Variants in TRIQK observed in about 807,000 individuals in gnomAD.
TRIQK encodes the protein triple QxxK/R motif-containing protein.
Under a neutral mutation model 10.8 loss-of-function variants are expected in TRIQK, and 10 were observed. The ratio of observed to expected loss-of-function variants is 0.92; its 90% CI spans 0.57 to 1.57. TRIQK has a LOEUF of 1.57. TRIQK is among the 40% of genes most tolerant of loss of function. The pLI is 0.00. For synonymous variants in TRIQK, 33 were observed against 33.7 expected (o/e 0.98, Z 0.07); for missense variants, 107 against 97.7 (o/e 1.09, Z -0.40).
chr8:92,905,121 T>C (rs964301652), intron 3 of TRIQK, among the ~76,000 whole-genome samples: 1 of 152,088 alleles, frequency 6.6e-6, no homozygotes, highest in Non-Finnish European at 1.5e-5. Flanking sequence ...TCTAAAAATA[T>C]TCATAGAAGC....
In TRIQK at chr8:92,891,041, T is replaced by C. The variant is rs1764621741; in HGVS notation, c.147+948A>G. 2.0e-5 allele frequency among the ~76,000 whole-genome samples: 3 copies of C among 151,950 alleles called. No homozygotes were observed. The South Asian group carries it at 6.2e-4, about 31-fold the overall frequency. The stretch of plus-strand genomic sequence containing the variant: ...ACACAGCATGGAAGAGATGGTGTTG[T>C]GCAAACATACTGCATCACACGGCAA... On this transcript the variant is annotated intron_variant, in intron 4 of 4. Transcript: ENST00000521988.
At chr8:92,983,728 A>G (rs1271897286) in intron 1 of TRIQK, among the ~76,000 whole-genome samples, 3 of 152,070 alleles carry the variant, frequency 2.0e-5, no homozygotes, top group African/African-American at 7.2e-5. Flanking sequence ...ATTGGTAAAC[A>G]CATAGTGTCA....
intron 2 of TRIQK, among the ~76,000 whole-genome samples, chr8:92,930,211 C>A (rs867989037): frequency 3.3e-5 from 5 of 150,628 alleles, no homozygotes; most frequent in South Asian, 2.1e-4. Flanking sequence ...AACACCCCCC[C>A]ACCCACGTCT....
chr8:92,900,077 T>C (rs892606153), intron 3 of TRIQK, among the ~76,000 whole-genome samples: 1 of 152,222 alleles, frequency 6.6e-6, no homozygotes, highest in Non-Finnish European at 1.5e-5. Context: ...TCAGATATTT[T>C]GCCCATTCAA....
chr8:92,911,708 T>C (rs1205937193), intron 3 of TRIQK, among the ~76,000 whole-genome samples: 1 of 150,922 alleles, frequency 6.6e-6, no homozygotes, highest in African/African-American at 2.4e-5. Context: ...GATAAATGAA[T>C]TAACTTAACA....
chr8:92,933,545 C>T (rs1337034318), intron 2 of TRIQK, among the ~76,000 whole-genome samples: 10 of 152,032 alleles, frequency 6.6e-5, no homozygotes, highest in Admixed American at 6.6e-4. Context: ...ACTGCTGAAG[C>T]TGGCCATGGG....
intron 2 of TRIQK, among the ~76,000 whole-genome samples, chr8:92,938,581 CT>C (rs1811114131): frequency 6.6e-6 from 1 of 152,044 alleles, no homozygotes; most frequent in African/African-American, 2.4e-5. Context: ...TCTTGAAATA[CT>C]TTTTATTTCT....
chr8:93,002,439 C>A (rs1813223136), intron 1 of TRIQK, among the ~76,000 whole-genome samples: 1 of 151,878 alleles, frequency 6.6e-6, no homozygotes, highest in African/African-American at 2.4e-5. Context: ...ACAGATATCA[C>A]AGAAATATGA....
chr8:93,002,562 G>A (rs986687760), intron 1 of TRIQK, among the ~76,000 whole-genome samples: 2 of 152,184 alleles, frequency 1.3e-5, no homozygotes, highest in Middle Eastern at 3.4e-3. Context: ...TTATGAAAAA[G>A]TAGAAAATCT....
chr8:92,890,519 A>T (rs945223884), intron 4 of TRIQK, among the ~76,000 whole-genome samples: 1 of 151,826 alleles, frequency 6.6e-6, no homozygotes, highest in Non-Finnish European at 1.5e-5. Context: ...TATAAGGTAG[A>T]CCTTATCTCA....
intron 3 of TRIQK, among the ~76,000 whole-genome samples, chr8:92,894,788 G>A (rs553260300): frequency 2.0e-5 from 3 of 151,984 alleles, no homozygotes; most frequent in South Asian, 2.1e-4. Flanking sequence ...AAACTAGATC[G>A]TCCCTGAGGT....
At chr8:92,919,551 T>C (rs1308124390) in intron 2 of TRIQK, among the ~76,000 whole-genome samples, 2 of 151,860 alleles carry the variant, frequency 1.3e-5, no homozygotes, top group Non-Finnish European at 3.0e-5. Context: ...AGTGTTTTGT[T>C]GAGATTTTTA....
chr8:92,998,761 A>G (rs552344178), intron 1 of TRIQK, among the ~76,000 whole-genome samples: 1 of 152,126 alleles, frequency 6.6e-6, no homozygotes, highest in South Asian at 2.1e-4. Flanking sequence ...TGAAATGACA[A>G]CCTTAAGGGA....
At chr8:92,974,780 C>G (rs1205049210) in intron 1 of TRIQK, 1 of 152,194 alleles carries the variant, frequency 6.6e-6, no homozygotes, top group African/African-American at 2.4e-5. Context: ...AGCAACTAGC[C>G]CAGTCTTCCT....
At chr8:92,906,907 A>T (rs948093436) in intron 3 of TRIQK, among the ~76,000 whole-genome samples, 1 of 151,990 alleles carries the variant, frequency 6.6e-6, no homozygotes, top group Non-Finnish European at 1.5e-5. Context: ...AGAAAAAAAA[A>T]AAAATACTGG....
At chr8:92,896,965 C>T (rs1808636057) in intron 3 of TRIQK, among the ~76,000 whole-genome samples, 1 of 151,852 alleles carries the variant, frequency 6.6e-6, no homozygotes, top group Non-Finnish European at 1.5e-5. Context: ...TACAGGCATG[C>T]ACCACCACGC....
chr8:92,927,550 C>T (rs1219717101), intron 2 of TRIQK, among the ~76,000 whole-genome samples: 2 of 151,892 alleles, frequency 1.3e-5, no homozygotes, highest in South Asian at 2.1e-4. Flanking sequence ...GAGTGTAAGG[C>T]GATTAATATT....
chr8:92,987,498 T>C (rs141206874), intron 1 of TRIQK, among the ~76,000 whole-genome samples: 1,930 of 152,348 alleles, frequency 0.013, 28 homozygotes, highest in Non-Finnish European at 0.019. Context: ...TTCTCCTACA[T>C]AATTAGCACA....
rs1323851341 is a variant in TRIQK, at chr8:92,960,322, T to C, written c.-181+5685A>G. On this transcript the variant is annotated intron_variant, in intron 1 of 4. Coordinates refer to ENST00000521988, the MANE Select transcript of TRIQK (RefSeq NM_001171797.2). ...TCATCTTTTTATGATTTCCAATTTT[T>C]TAACTAAAATAACCTCTCAAATCTA... is the stretch of plus-strand genomic sequence containing the variant. Among the ~76,000 whole-genome samples the C allele has an allele frequency of 2.0e-5, 3 of 152,134 alleles. No homozygotes were observed. The East Asian group carries it at 5.8e-4, about 29-fold the overall frequency.
Sources: gnomAD v4.1 joint callset for allele counts (sites outside exome capture counted in the v4.1 genomes callset) on GRCh38, gnomAD v4.1.1 for gene constraint, MANE v1.5 for transcripts, NCBI Gene and HGNC (gene_info 2026-07-23, HGNC 2026-07-21) for gene names.